The following NXNL2 variants were observed in gnomAD, a reference collection of about 807,000 sequenced individuals.
The protein encoded by NXNL2 is nucleoredoxin-like protein 2.
In NXNL2, 7 loss-of-function variants were observed where a neutral mutation model predicts 11.1. The observed-to-expected ratio is 0.63, with a 90% confidence interval of 0.36 to 1.18. NXNL2 has a LOEUF of 1.18. NXNL2 is among the 50% of genes most tolerant of loss of function. NXNL2 has a pLI of 0.02. For synonymous variants in NXNL2, 109 were observed against 101.8 expected (o/e 1.07, Z -0.42); for missense variants, 233 against 217.7 (o/e 1.07, Z -0.44).
In NXNL2 at chr9:88,554,095, G is replaced by A. The variant is rs184522132; in HGVS notation, c.303-16992G>A. Among the ~76,000 whole-genome samples, 218 of 152,306 alleles carry A rather than the reference G, an allele frequency of 1.4e-3. 1 individual carries two copies. Among genetic ancestry groups the A allele is most frequent in the Non-Finnish European group, 1.0e-3 (68 of 68,026 alleles). ...CGTTATAATGGTATATGATGAGGTG[G>A]TGGAGTCAGGGCCTCAGGCAGGGAT... is the stretch of plus-strand genomic sequence containing the variant. On this transcript the variant is annotated intron_variant, in intron 1 of 2. Coordinates refer to the NXNL2 transcript ENST00000375855.
intron 1 of NXNL2, among the ~76,000 whole-genome samples, chr9:88,564,450 CT>C (rs1408587843): frequency 1.3e-5 from 2 of 151,992 alleles, no homozygotes; most frequent in East Asian, 3.9e-4. Flanking sequence ...GAGTTTCACT[CT>C]TGTCGCCCAG....
At chr9:88,540,219 C>A (rs937122712) in intron 1 of NXNL2, among the ~76,000 whole-genome samples, 1 of 151,782 alleles carries the variant, frequency 6.6e-6, no homozygotes, top group South Asian at 2.1e-4. Flanking sequence ...GTGGTCCCCG[C>A]TACTCTGGAG....
chr9:88,576,458 C>T (rs531727361), downstream of NXNL2, among the ~76,000 whole-genome samples: 77 of 152,288 alleles, frequency 5.1e-4, no homozygotes, highest in Middle Eastern at 6.8e-3. Context: ...GAATTCTCCC[C>T]GTGCAGGGTG....
chr9:88,581,698 C>T (rs958210348), intron 1 of NXNL2, among the ~76,000 whole-genome samples: 7 of 152,306 alleles, frequency 4.6e-5, no homozygotes, highest in South Asian at 2.1e-4. Flanking sequence ...TCAGGTGATC[C>T]GCCCACCTCG....
At chr9:88,567,071 A>G (rs1264780184) in intron 1 of NXNL2, among the ~76,000 whole-genome samples, 2 of 151,904 alleles carry the variant, frequency 1.3e-5, no homozygotes, top group Non-Finnish European at 2.9e-5. Context: ...CTTTGAGAGC[A>G]GAAATTCCAT....
chr9:88,575,720 A>G (rs1830340774), exon 3 of NXNL2: 1 of 152,242 alleles, frequency 6.6e-6, no homozygotes, highest in Non-Finnish European at 1.5e-5. Context: ...GTCAATAATC[A>G]TTTAATTGTA....
At chr9:88,584,183 C>T (rs9411014) in exon 2 of NXNL2, 29,360 of 152,182 alleles carry the variant, frequency 0.19, 4,606 homozygotes, top group East Asian at 0.89. Flanking sequence ...TATTTCTAAA[C>T]ATGAAATCAT....
intron 1 of NXNL2, among the ~76,000 whole-genome samples, chr9:88,541,248 C>T (rs894467299): frequency 7.4e-5 from 11 of 148,768 alleles, no homozygotes; most frequent in Non-Finnish European, 1.2e-4. Flanking sequence ...CTCTCTTTTT[C>T]CTTGCTCAAT....
chr9:88,567,002 A>ATCTATCTATCTATCTACCTATCTG (rs1830184008), intron 1 of NXNL2, among the ~76,000 whole-genome samples: 1 of 151,562 alleles, frequency 6.6e-6, no homozygotes, highest in South Asian at 2.1e-4. Context: ...CTATCTATCT[A>ATCTATCTATCTATCTACCTATCTG]TCTATCTATC....
chr9:88,582,175 C>T (rs1051827694), intron 1 of NXNL2, among the ~76,000 whole-genome samples: 5 of 152,172 alleles, frequency 3.3e-5, no homozygotes, highest in South Asian at 2.1e-4. Context: ...GGAGGATGTT[C>T]TTCATTAGAA....
chr9:88,565,206 G>A (rs1189013390), intron 1 of NXNL2, among the ~76,000 whole-genome samples: 9 of 152,156 alleles, frequency 5.9e-5, no homozygotes, highest in Non-Finnish European at 1.0e-4. Flanking sequence ...TCTTTTGTAA[G>A]GCTGGATAAC....
intron 1 of NXNL2, among the ~76,000 whole-genome samples, chr9:88,550,098 G>C (rs13290571): frequency 6.6e-6 from 1 of 152,034 alleles, no homozygotes; most frequent in African/African-American, 2.4e-5. Context: ...GATTACAGGC[G>C]TGAGCCACAG....
intron 1 of NXNL2, among the ~76,000 whole-genome samples, chr9:88,551,335 C>G (rs1234358976): frequency 1.3e-5 from 2 of 152,056 alleles, no homozygotes; most frequent in Non-Finnish European, 2.9e-5. Flanking sequence ...CCTCTAACAT[C>G]CTTATATTTT....
At chr9:88,554,082 A>G (rs1259270257) in intron 1 of NXNL2, among the ~76,000 whole-genome samples, 3 of 152,162 alleles carry the variant, frequency 2.0e-5, no homozygotes, top group Admixed American at 6.5e-5. Flanking sequence ...TTATAATGGT[A>G]TATGATGAGG....
At chr9:88,543,562 G>C (rs566917429) in intron 1 of NXNL2, among the ~76,000 whole-genome samples, 1 of 152,222 alleles carries the variant, frequency 6.6e-6, no homozygotes, top group South Asian at 2.1e-4. Flanking sequence ...AACCACACCT[G>C]GCTGGAATTT....
intron 1 of NXNL2, among the ~76,000 whole-genome samples, chr9:88,556,843 C>T (rs1189711015): frequency 6.6e-6 from 1 of 151,968 alleles, no homozygotes; most frequent in Admixed American, 6.6e-5. Context: ...TTTGGAAGGC[C>T]AAGGCAGGCG....
chr9:88,554,193 G>T (rs950516042), intron 1 of NXNL2, among the ~76,000 whole-genome samples: 1 of 151,984 alleles, frequency 6.6e-6, no homozygotes, highest in Non-Finnish European at 1.5e-5. Flanking sequence ...TGACACCATG[G>T]CCCTTTATTT....
chr9:88,548,149 G>A (rs528606021), downstream of NXNL2, among the ~76,000 whole-genome samples: 24 of 151,308 alleles, frequency 1.6e-4, no homozygotes, highest in South Asian at 3.4e-3. Flanking sequence ...GACCAGCCTG[G>A]ACAACATGGT....
At chr9:88,567,339 A>T (rs1444342833) in intron 1 of NXNL2, among the ~76,000 whole-genome samples, 1 of 152,092 alleles carries the variant, frequency 6.6e-6, no homozygotes, top group Non-Finnish European at 1.5e-5. Context: ...GGGTTTCACC[A>T]TGTTGGCCAG....
Sources: allele counts gnomAD v4.1 joint callset (sites outside exome capture counted in the v4.1 genomes callset), GRCh38; gene constraint gnomAD v4.1.1; transcripts MANE v1.5; gene names NCBI Gene and HGNC (gene_info 2026-07-23, HGNC 2026-07-21).